The following PARD3B variants were observed in gnomAD, a reference collection of about 807,000 sequenced individuals.
PARD3B encodes the protein par-3 family cell polarity regulator beta, also known as partitioning defective 3 homolog B.
Under a neutral mutation model 130.2 loss-of-function variants are expected in PARD3B, and 103 were observed. The observed-to-expected ratio is 0.79, with a 90% CI of 0.67 to 0.93. The LOEUF is 0.93. Ranked by LOEUF, PARD3B falls within the 40% of genes least tolerant of loss-of-function variation. The pLI, the probability that PARD3B is intolerant of heterozygous loss-of-function variation, is 0.00. For synonymous variants in PARD3B, 583 were observed against 553.2 expected (o/e 1.05, Z -0.76); for missense variants, 1,609 against 1,499.2 (o/e 1.07, Z -1.21).
At chr2:205,123,571 T>C (rs2031014544) in intron 8 of PARD3B, among the ~76,000 whole-genome samples, 1 of 150,366 alleles carries the variant, frequency 6.7e-6, no homozygotes, top group African/African-American at 2.5e-5. Flanking sequence ...ATGAGTAAGA[T>C]TTAGAGAGAG....
chr2:205,619,969 G>A lies in PARD3B; in HGVS notation c.*4156G>A, dbSNP rs1380991397. ...GTTTCCTGTGCTTTTGTGATTCCAA[G>A]TCTGTTCATAAGTTCTGAAGATAAA... On this transcript the variant is annotated 3_prime_UTR_variant, in exon 23 of 23. Transcript: ENST00000406610. 1 of 152,120 alleles carries A rather than the reference G, an allele frequency of 6.6e-6. No homozygotes were observed. Among genetic ancestry groups the A allele is most frequent in the African/African-American group, 2.4e-5 (1 of 41,418 alleles). 9.4% of individuals were successfully genotyped at this position (152,120 alleles called of 1,614,324 possible).
At chr2:205,449,776 C>G (rs989689600) in intron 20 of PARD3B, among the ~76,000 whole-genome samples, 1 of 152,138 alleles carries the variant, frequency 6.6e-6, no homozygotes, top group African/African-American at 2.4e-5. Context: ...ACTAATTTTG[C>G]AGAAAACTTT....
chr2:204,659,782 C>G (rs1416418926), intron 1 of PARD3B, among the ~76,000 whole-genome samples: 2 of 152,152 alleles, frequency 1.3e-5, no homozygotes, highest in Non-Finnish European at 2.9e-5. Flanking sequence ...TACTTTCATA[C>G]ATTATTTAAC....
At position 205,238,849 on chromosome 2, in the gene PARD3B, A is replaced by AAATATATATATAT. The variant is rs1273582854; in HGVS notation, c.2141-6928_2141-6927insATATATATATATA. On this transcript the variant is annotated intron_variant, in intron 15 of 22. Coordinates refer to ENST00000406610, the MANE Select transcript of PARD3B (RefSeq NM_001302769.2). ...AAACTCCGTTTCAAAAAAAAAAAAA[A>AAATATATATATAT]ATATATATATATATATATATATATA... 3.4e-4 allele frequency among the ~76,000 whole-genome samples: 26 copies of AAATATATATATAT among 76,896 alleles called. 1 individual carries two copies. Among genetic ancestry groups the AAATATATATATAT allele is most frequent in the South Asian group, 5.1e-4 (1 of 1,944 alleles). 50.4% of individuals were successfully genotyped at this position (76,896 alleles called of 152,430 possible). A position where few individuals can be genotyped will look rare whatever the true frequency, so the allele number is the denominator to read the frequency against.
At chr2:205,356,762 G>T (rs1444196910) in intron 18 of PARD3B, among the ~76,000 whole-genome samples, 1 of 151,720 alleles carries the variant, frequency 6.6e-6, no homozygotes, top group South Asian at 2.1e-4. Context: ...GTGGTAGCAG[G>T]CACCTGTAAT....
At chr2:204,692,774 T>C (rs1315630932) in intron 2 of PARD3B, among the ~76,000 whole-genome samples, 2 of 152,030 alleles carry the variant, frequency 1.3e-5, no homozygotes, top group African/African-American at 2.4e-5. Context: ...ACCTTGGTCA[T>C]GAAATTTTAG....
chr2:205,221,878 A>G (rs2038258266), intron 15 of PARD3B, among the ~76,000 whole-genome samples: 1 of 152,122 alleles, frequency 6.6e-6, no homozygotes, highest in South Asian at 2.1e-4. Flanking sequence ...TATTTCTGAG[A>G]GTATCAACAA....
intron 21 of PARD3B, among the ~76,000 whole-genome samples, chr2:205,546,550 C>A (rs1016448454): frequency 2.0e-5 from 3 of 152,130 alleles, no homozygotes; most frequent in Non-Finnish European, 4.4e-5. Context: ...ATTTCTGAGC[C>A]TTGTTGAGCA....
At chr2:205,483,826 G>C (rs80032544) in intron 20 of PARD3B, among the ~76,000 whole-genome samples, 3,954 of 152,140 alleles carry the variant, frequency 0.026, 161 homozygotes, top group African/African-American at 0.09. Context: ...GAATTGGAAG[G>C]GGGGAAGCTT....
intron 4 of PARD3B, among the ~76,000 whole-genome samples, chr2:205,098,960 A>G (rs1344151644): frequency 6.6e-6 from 1 of 152,180 alleles, no homozygotes; most frequent in African/African-American, 2.4e-5. Context: ...GCTTTAAAAA[A>G]AATTGTAGTA....
intron 3 of PARD3B, among the ~76,000 whole-genome samples, chr2:205,014,902 G>A (rs1239783536): frequency 1.3e-5 from 2 of 152,232 alleles, no homozygotes; most frequent in Non-Finnish European, 2.9e-5. Flanking sequence ...GGCCTGTACT[G>A]TAGGCTGCAA....
chr2:204,771,316 C>G (rs764351371), intron 2 of PARD3B, among the ~76,000 whole-genome samples: 1 of 151,880 alleles, frequency 6.6e-6, no homozygotes, highest in East Asian at 1.9e-4. Context: ...TTATCTGCAC[C>G]CAAGCTGATG....
intron 1 of PARD3B, among the ~76,000 whole-genome samples, chr2:204,653,765 G>A (rs1244763705): frequency 1.4e-5 from 2 of 139,602 alleles, no homozygotes; most frequent in East Asian, 2.1e-4. Context: ...CAGTCTGGGT[G>A]ATGGAGCAAG....
intron 2 of PARD3B, among the ~76,000 whole-genome samples, chr2:204,789,626 T>C (rs886537360): frequency 6.6e-6 from 1 of 152,202 alleles, no homozygotes; most frequent in African/African-American, 2.4e-5. Flanking sequence ...TCAGCCTGAA[T>C]TCTGCAATTT....
intron 10 of PARD3B, among the ~76,000 whole-genome samples, chr2:205,129,523 T>A (rs1045728941): frequency 2.6e-5 from 4 of 152,248 alleles, no homozygotes; most frequent in Middle Eastern, 3.2e-3. Flanking sequence ...TGTACACACT[T>A]GACTTTCCAT....
chr2:205,513,797 A>T (rs142529035), intron 21 of PARD3B, among the ~76,000 whole-genome samples: 10 of 152,128 alleles, frequency 6.6e-5, no homozygotes, highest in African/African-American at 2.2e-4. Context: ...GACAGGAAAC[A>T]TAATTTCAAA....
chr2:204,646,277 A>G (rs745519910), intron 1 of PARD3B, among the ~76,000 whole-genome samples: 5 of 152,094 alleles, frequency 3.3e-5, no homozygotes, highest in Non-Finnish European at 7.4e-5. Flanking sequence ...TGCAGAGGAA[A>G]GCACTATCCT....
intron 11 of PARD3B, among the ~76,000 whole-genome samples, chr2:205,164,676 G>C (rs941638199): frequency 2.5e-4 from 38 of 151,464 alleles, no homozygotes; most frequent in African/African-American, 4.9e-5. Context: ...AAAATTTAAG[G>C]GTTGATATTC....
At chr2:204,873,616 G>A (rs1212892479) in intron 2 of PARD3B, among the ~76,000 whole-genome samples, 1 of 152,138 alleles carries the variant, frequency 6.6e-6, no homozygotes, top group African/African-American at 2.4e-5. Context: ...CAGTACATGA[G>A]TTTGAAAAAC....
Sources: gnomAD v4.1 joint callset for allele counts (sites outside exome capture counted in the v4.1 genomes callset) on GRCh38, gnomAD v4.1.1 for gene constraint, MANE v1.5 for transcripts, NCBI Gene and HGNC (gene_info 2026-07-23, HGNC 2026-07-21) for gene names.